The following GPHN variants were observed in gnomAD, a reference collection of about 807,000 sequenced individuals.
GPHN encodes gephyrin.
In GPHN, 17 loss-of-function variants were observed where a neutral mutation model predicts 95.5. That is an observed-to-expected ratio of 0.18 (90% CI 0.12 to 0.27). GPHN has a LOEUF of 0.27. GPHN is among the 10% of genes least tolerant of loss of function. GPHN has a pLI of 1.00. For synonymous variants in GPHN, 320 were observed against 322.5 expected, an observed-to-expected ratio of 0.99 and a Z score of 0.08; for missense variants, 660 against 978.1, an observed-to-expected ratio of 0.67 and a Z score of 4.34.
the GPHN span, among the ~76,000 whole-genome samples, chr14:67,537,342 T>C: frequency 2.3e-5 from 2 of 86,528 alleles, no homozygotes; most frequent in Non-Finnish European, 5.0e-5. Context: ...AGACTCCATC[T>C]CAAAAATAAT....
chr14:66,898,572 G>A (rs1001792068), intron 5 of GPHN, among the ~76,000 whole-genome samples: 2 of 149,874 alleles, frequency 1.3e-5, no homozygotes, highest in Non-Finnish European at 3.0e-5. Flanking sequence ...TCTAGTTCTG[G>A]TTTCTCTGTT....
the GPHN span, among the ~76,000 whole-genome samples, chr14:67,524,483 G>A: frequency 6.6e-6 from 1 of 152,164 alleles, no homozygotes; most frequent in Non-Finnish European, 1.5e-5. Flanking sequence ...AAGGAACACA[G>A]GCTTAGGACT....
At chr14:67,523,550 T>C in the GPHN span, among the ~76,000 whole-genome samples, 5 of 152,204 alleles carry the variant, frequency 3.3e-5, no homozygotes, top group African/African-American at 1.2e-4. Context: ...TACCCTGTGC[T>C]CCAAGTAATG....
At chr14:67,537,384 ACTT>A in the GPHN span, among the ~76,000 whole-genome samples, 1 of 139,486 alleles carries the variant, frequency 7.2e-6, no homozygotes, top group African/African-American at 2.7e-5. Flanking sequence ...AATAATAAAA[ACTT>A]AATCTTAGGC....
the GPHN span, among the ~76,000 whole-genome samples, chr14:67,671,565 A>T: frequency 1.3e-5 from 2 of 152,190 alleles, no homozygotes; most frequent in Admixed American, 6.5e-5. Flanking sequence ...AAAGAAATTC[A>T]CATATTTCTG....
intron 1 of GPHN, among the ~76,000 whole-genome samples, chr14:66,658,597 T>C (rs1259228887): frequency 3.9e-5 from 6 of 152,162 alleles, no homozygotes; most frequent in Non-Finnish European, 5.9e-5. Context: ...ACAAAAACTT[T>C]ACATCTCATT....
the GPHN span, among the ~76,000 whole-genome samples, chr14:67,496,016 G>A: frequency 6.6e-6 from 1 of 152,120 alleles, no homozygotes. Context: ...GCTGTGTGTG[G>A]CCATGTTAGA....
At chr14:67,549,701 G>T in the GPHN span, among the ~76,000 whole-genome samples, 3 of 152,210 alleles carry the variant, frequency 2.0e-5, no homozygotes, top group Non-Finnish European at 2.9e-5. Flanking sequence ...TGCTGATGGG[G>T]CTACGGCTCC....
the GPHN span, among the ~76,000 whole-genome samples, chr14:67,730,611 A>AT: frequency 1.5e-4 from 22 of 151,230 alleles, no homozygotes; most frequent in East Asian, 9.7e-4. Flanking sequence ...GATCCCAAGC[A>AT]TTTTTTTTTG....
the GPHN span, chr14:67,200,346 C>T: frequency 3.1e-6 from 2 of 642,534 alleles, no homozygotes; most frequent in East Asian, 3.1e-5. Context: ...TTTCCTTCCT[C>T]CTATTACATC....
the GPHN span, among the ~76,000 whole-genome samples, chr14:67,357,622 A>G: frequency 2.0e-5 from 3 of 152,374 alleles, no homozygotes; most frequent in East Asian, 3.9e-4. Context: ...AGATAAACCC[A>G]GCCAGACATT....
intron 4 of GPHN, among the ~76,000 whole-genome samples, chr14:66,873,851 C>T (rs1187267515): frequency 6.6e-6 from 1 of 152,214 alleles, no homozygotes; most frequent in Non-Finnish European, 1.5e-5. Flanking sequence ...TAGTTCCTTC[C>T]TGCCAGCTCC....
chr14:66,958,932 A>T (rs1202353608), intron 8 of GPHN, among the ~76,000 whole-genome samples: 1 of 151,936 alleles, frequency 6.6e-6, no homozygotes, highest in African/African-American at 2.4e-5. Context: ...TTTTTTCTGT[A>T]TAGATATTTT....
intron 8 of GPHN, among the ~76,000 whole-genome samples, chr14:66,950,348 C>G (rs2068031243): frequency 6.6e-6 from 1 of 152,168 alleles, no homozygotes; most frequent in Non-Finnish European, 1.5e-5. Flanking sequence ...TGGTTCATCT[C>G]TCTTACTGAC....
chr14:67,569,945 C>T, the GPHN span: 5 of 1,609,658 alleles, frequency 3.1e-6, no homozygotes, highest in Non-Finnish European at 4.2e-6. Context: ...GCCCTTGTTT[C>T]CCCTGGGTCT....
At chr14:67,200,836 A>G in the GPHN span, among the ~76,000 whole-genome samples, 3 of 152,198 alleles carry the variant, frequency 2.0e-5, no homozygotes, top group African/African-American at 7.2e-5. Context: ...ATAAAATTAC[A>G]TAGTACTTGT....
At chr14:67,710,724 C>T in the GPHN span, among the ~76,000 whole-genome samples, 5 of 151,418 alleles carry the variant, frequency 3.3e-5, no homozygotes, top group Admixed American at 6.6e-5. Flanking sequence ...TTAAAGGACA[C>T]ACTTTTTTTT....
the GPHN span, among the ~76,000 whole-genome samples, chr14:67,733,364 G>A: frequency 6.6e-6 from 1 of 152,096 alleles, no homozygotes; most frequent in Non-Finnish European, 1.5e-5. Context: ...CTTCAATTAC[G>A]AATGTAGGCA....
chr14:67,045,108 T>A (rs2074936913), intron 10 of GPHN, among the ~76,000 whole-genome samples: 1 of 152,144 alleles, frequency 6.6e-6, no homozygotes, highest in South Asian at 2.1e-4. Context: ...TGATCCAGAC[T>A]TACCGTCTCA....
Sources: allele counts gnomAD v4.1 joint callset (sites outside exome capture counted in the v4.1 genomes callset), GRCh38; gene constraint gnomAD v4.1.1; transcripts MANE v1.5; gene names NCBI Gene and HGNC (gene_info 2026-07-23, HGNC 2026-07-21).